POLB: variants seen among roughly 807,000 people sequenced by gnomAD.
POLB encodes the protein 5'-dRP lyase.
A neutral mutation model predicts 52.7 loss-of-function variants in POLB; 37 were observed. That is an observed-to-expected ratio of 0.70 (90% CI 0.54 to 0.92). The LOEUF (loss-of-function observed/expected upper bound fraction) is 0.92. Among genes scored for constraint, POLB ranks in the 40% least tolerant of loss-of-function variants. The probability of loss-of-function intolerance (pLI) is 0.00; values close to 1 mark genes in which losing one functional copy is unlikely to be tolerated. For synonymous variants in POLB, 138 were observed against 131.3 expected, an observed-to-expected ratio of 1.05 and a Z score of -0.35; for missense variants, 313 against 400.8, an observed-to-expected ratio of 0.78 and a Z score of 1.87.
intron 9 of POLB, among the ~76,000 whole-genome samples, chr8:42,358,702 T>C (rs538321167): frequency 6.6e-6 from 1 of 152,236 alleles, no homozygotes; most frequent in East Asian, 1.9e-4. Context: ...GAGAGAAAAC[T>C]AAATCCATAC....
At position 42,349,989 on chromosome 8, in the gene POLB, CTT is replaced by C. The variant is rs748183535; in HGVS notation, c.262-9_262-8del. ...AAAGCATTCCTAAATCATTGTTAGACTTTTTTTTTTCTTAAAGATTCGGCAGG... is the reference window on the plus strand; with the variant it reads ...AAAGCATTCCTAAATCATTGTTAGACTTTTTTTTCTTAAAGATTCGGCAGG... On this transcript the variant is annotated splice_polypyrimidine_tract_variant and intron_variant, in intron 4 of 13. Coordinates refer to ENST00000265421, the MANE Select transcript of POLB (RefSeq NM_002690.3). 3 of 1,423,804 alleles carry C rather than the reference CTT, an allele frequency of 2.1e-6. No homozygotes were observed. Among genetic ancestry groups the C allele is most frequent in the Non-Finnish European group, 2.9e-6 (3 of 1,028,402 alleles). The allele number at this position is 1,423,804 out of a possible 1,614,324, so 88.2% of individuals were successfully genotyped here.
At chr8:42,348,872 G>C in intron 3 of POLB, 144 bp from the exon 4 acceptor site, 1 of 501,740 alleles carries the variant, frequency 2.0e-6, no homozygotes, top group Non-Finnish European at 3.6e-6. Flanking sequence ...TATTTTCACT[G>C]GGGTTCAATT....
intron 6 of POLB, among the ~76,000 whole-genome samples, chr8:42,352,931 G>A (rs976243082): frequency 3.3e-5 from 5 of 151,544 alleles, no homozygotes; most frequent in Admixed American, 6.6e-5. Flanking sequence ...AAAATTAGCC[G>A]GGTGTGGTGG....
intron 4 of POLB, chr8:42,349,402 T>G (rs1233951190): frequency 5.3e-6 from 1 of 187,516 alleles, no homozygotes; most frequent in African/African-American, 2.4e-5. Flanking sequence ...TTTATTTATG[T>G]TTTTGAGATG....
rs755943387 is a variant in POLB, at chr8:42,360,879, G to A, written c.551-416G>A. On this transcript the variant is annotated intron_variant, in intron 9 of 13. Coordinates refer to ENST00000265421, the MANE Select transcript of POLB (RefSeq NM_002690.3). ...ATTACAGGCATGAGCCACCGTGCCC[G>A]GCTGAAATGAGTTTTCTGATTAACC... 1.4e-4 allele frequency among the ~76,000 whole-genome samples: 22 copies of A among 152,194 alleles called. No homozygotes were observed. In the South Asian group the frequency reaches 1.5e-3, roughly 10 times the overall value.
Position 42,338,844 on chromosome 8 carries a change from C to G in POLB, c.61+159C>G, listed in dbSNP as rs3136716. Among the ~76,000 whole-genome samples the G allele has an allele frequency of 0.028, 4,296 of 152,306 alleles. 78 individuals are homozygous for G. The highest frequency in any genetic ancestry group is 0.039 in the Non-Finnish European group (2,678 of 68,030). The stretch of plus-strand genomic sequence containing the variant: ...CCCTCCGGCGCCCCTGGCTGGTTGT[C>G]AGTCCTGCCGGCTACACCTGGGCCA... On this transcript the variant is annotated intron_variant, in intron 1 of 13. Coordinates refer to ENST00000265421, the MANE Select transcript of POLB (RefSeq NM_002690.3).
chr8:42,357,229 A>C lies in POLB; in HGVS notation c.477+6A>C. On this transcript the variant is annotated splice_donor_region_variant and intron_variant, in intron 8 of 13. Coordinates refer to ENST00000265421, the MANE Select transcript of POLB (RefSeq NM_002690.3). ...AAGAGATGTTACAAATGCAAGTAAG[A>C]TGTGTCAAATTATATTCTTTGATTA... 12 of 1,539,682 alleles carry C rather than the reference A, an allele frequency of 7.8e-6. No individual in the cohort carries two copies. The highest frequency in any genetic ancestry group is 8.1e-6 in the Non-Finnish European group (9 of 1,113,702).
chr8:42,350,206 A>G, intron 5 of POLB, 141 bp downstream of exon 5: 1 of 681,196 alleles, frequency 1.5e-6, no homozygotes, highest in Non-Finnish European at 2.7e-6. Context: ...TCCATAGCTT[A>G]TGATCTGAGG....
chr8:42,347,225 A>G (rs542693629), intron 3 of POLB, among the ~76,000 whole-genome samples: 1 of 151,616 alleles, frequency 6.6e-6, no homozygotes, highest in Non-Finnish European at 1.5e-5. Flanking sequence ...GAAGAATCAC[A>G]GAGTTGCTAT....
At chr8:42,343,921 G>A (rs571645043) in intron 2 of POLB, among the ~76,000 whole-genome samples, 1 of 152,062 alleles carries the variant, frequency 6.6e-6, no homozygotes, top group Non-Finnish European at 1.5e-5. Flanking sequence ...ACAAGGTCAG[G>A]AGTTCGGGAT....
At chr8:42,369,383 C>G (rs370668335) in intron 12 of POLB, 48 bp downstream of exon 12, 107 of 1,070,296 alleles carry the variant, frequency 1.0e-4, no homozygotes, top group Non-Finnish European at 1.5e-4. Flanking sequence ...CCAAACTTGT[C>G]TCGTTTTCTC....
At chr8:42,370,160 C>T in intron 13 of POLB, 172 bp downstream of exon 13, 2 of 692,684 alleles carry the variant, frequency 2.9e-6, no homozygotes, top group East Asian at 2.8e-5. Flanking sequence ...TGCTCCTAGG[C>T]CCTCAGTTGA....
chr8:42,370,727 G>A (rs568447808), intron 13 of POLB, among the ~76,000 whole-genome samples: 1 of 152,150 alleles, frequency 6.6e-6, no homozygotes, highest in East Asian at 1.9e-4. Context: ...GGGTCACATT[G>A]GAAGAAGAAT....
chr8:42,353,318 A>G lies in POLB; in HGVS notation c.370+750A>G, dbSNP rs189077190. Among the ~76,000 whole-genome samples, 782 of 151,090 alleles carry G rather than the reference A, an allele frequency of 5.2e-3. 12 individuals are homozygous for G. The highest frequency in any genetic ancestry group is 0.017 in the African/African-American group (717 of 41,248). Reference sequence around the variant, plus strand: ...AATAGAGACGGGGTTTCACTGTGTTAGCCAGGATGGTCTCGGTCTGACCTT... The same window carrying G: ...AATAGAGACGGGGTTTCACTGTGTTGGCCAGGATGGTCTCGGTCTGACCTT... On this transcript the variant is annotated intron_variant, in intron 6 of 13. Coordinates refer to ENST00000265421, the MANE Select transcript of POLB (RefSeq NM_002690.3).
intron 4 of POLB, 115 bp from the exon 5 acceptor site, chr8:42,349,892 C>G: frequency 1.4e-6 from 1 of 721,104 alleles, no homozygotes; most frequent in South Asian, 1.6e-5. Flanking sequence ...GTGGGTCACC[C>G]AGGCAAATGT....
At chr8:42,354,690 C>T (rs1168239862) in intron 6 of POLB, among the ~76,000 whole-genome samples, 8 of 151,936 alleles carry the variant, frequency 5.3e-5, no homozygotes, top group South Asian at 4.2e-4. Flanking sequence ...ATTACAGGCG[C>T]GCACCACCAT....
intron 4 of POLB, among the ~76,000 whole-genome samples, chr8:42,349,693 T>C (rs996531958): frequency 6.6e-6 from 1 of 152,342 alleles, no homozygotes; most frequent in Non-Finnish European, 1.5e-5. Flanking sequence ...CGGCCATCTT[T>C]TAGAATTTCT....
chr8:42,353,040 C>G (rs1424067662), intron 6 of POLB, among the ~76,000 whole-genome samples: 1 of 151,188 alleles, frequency 6.6e-6, no homozygotes, highest in East Asian at 1.9e-4. Flanking sequence ...TGCCACTGCA[C>G]TCCAGCCTGG....
intron 9 of POLB, among the ~76,000 whole-genome samples, chr8:42,358,871 C>A (rs1823496050): frequency 6.6e-6 from 1 of 152,102 alleles, no homozygotes; most frequent in Non-Finnish European, 1.5e-5. Context: ...ATCAGAAATA[C>A]CTAGGACTTA....
Sources: gnomAD v4.1 joint callset for allele counts (sites outside exome capture counted in the v4.1 genomes callset) on GRCh38, gnomAD v4.1.1 for gene constraint, MANE v1.5 for transcripts, NCBI Gene and HGNC (gene_info 2026-07-23, HGNC 2026-07-21) for gene names.